RAB3GAP1: variants seen among roughly 807,000 people sequenced by gnomAD.
RAB3GAP1 encodes the protein rab3 GTPase-activating protein catalytic subunit.
RAB3GAP1 carries 86 observed loss-of-function variants against 130.7 expected under a neutral mutation model. That is an observed-to-expected ratio of 0.66 (90% CI 0.55 to 0.79). RAB3GAP1 has a LOEUF of 0.79. Among genes scored for constraint, RAB3GAP1 ranks in the 30% least tolerant of loss-of-function variants. RAB3GAP1 has a pLI of 0.00. For missense variants in RAB3GAP1, 1,029 were observed against 1,169.4 expected (o/e 0.88, Z 1.75); for synonymous variants, 367 against 401.7 (o/e 0.91, Z 1.03).
chr2:135,055,044 C>T (rs1688972868), intron 2 of RAB3GAP1, among the ~76,000 whole-genome samples: 1 of 152,182 alleles, frequency 6.6e-6, no homozygotes, highest in African/African-American at 2.4e-5. Context: ...AAGCACAGTG[C>T]ACATTACGGA....
rs754427870 is a variant in RAB3GAP1 at position 135,165,163 on chromosome 2, G to T, written c.2709+467G>T. On this transcript the variant is annotated intron_variant, in intron 23 of 23. Transcript: ENST00000264158. ...TCTACCTTTGAGGTTTCCTAGAAAA[G>T]AAGAGGAAAACTTCAGATTTTTAGG... 214 of 456,290 alleles carry T rather than the reference G, an allele frequency of 4.7e-4. 3 individuals carry two copies. Among genetic ancestry groups the T allele is most frequent in the South Asian group, 2.9e-3 (188 of 64,506 alleles). The allele number at this position is 456,290 out of a possible 1,614,324, so 28.3% of individuals were successfully genotyped here.
intron 19 of RAB3GAP1, among the ~76,000 whole-genome samples, chr2:135,156,062 A>G (rs907995742): frequency 1.3e-5 from 2 of 152,182 alleles, no homozygotes; most frequent in African/African-American, 2.4e-5. Flanking sequence ...ATCTCTGTGT[A>G]TGTAAATTTG....
intron 17 of RAB3GAP1, among the ~76,000 whole-genome samples, chr2:135,139,101 C>T (rs150829992): frequency 0.012 from 1,857 of 152,110 alleles, 30 homozygotes; most frequent in South Asian, 0.037. Flanking sequence ...AGGTTGCTCC[C>T]CTGTTCTTAT....
rs1033007720 is a variant in RAB3GAP1, at chr2:135,098,603, AT to A, written c.362+4912del. The stretch of plus-strand genomic sequence containing the variant: ...TGCTGGGGATGGTGGTAGCAGATCC[AT>A]TACCCAGCTGGCAAAAGGGGTGGCA... On this transcript the variant is annotated intron_variant, in intron 5 of 23. Coordinates refer to ENST00000264158, the MANE Select transcript of RAB3GAP1 (RefSeq NM_012233.3). 3.2e-4 allele frequency among the ~76,000 whole-genome samples: 48 copies of A among 152,298 alleles called. No individual in the cohort carries two copies. The South Asian group carries it at 3.7e-3, about 12-fold the overall frequency.
intron 9 of RAB3GAP1, among the ~76,000 whole-genome samples, chr2:135,125,164 C>G (rs1219988822): frequency 1.3e-5 from 2 of 152,186 alleles, no homozygotes; most frequent in African/African-American, 4.8e-5. Flanking sequence ...GATATACTTT[C>G]TGTCTCTTTG....
At chr2:135,134,122 A>G in intron 15 of RAB3GAP1, 89 bp downstream of exon 15, 1 of 1,460,640 alleles carries the variant, frequency 6.8e-7, no homozygotes, top group Non-Finnish European at 9.5e-7. Context: ...CCTTCTAGGA[A>G]GTCTGCCCTA....
At chr2:135,140,922 G>A (rs904809395) in intron 17 of RAB3GAP1, among the ~76,000 whole-genome samples, 16 of 152,204 alleles carry the variant, frequency 1.1e-4, no homozygotes, top group African/African-American at 3.6e-4. Context: ...AAGAATGGCA[G>A]TCTCAGACCT....
intron 3 of RAB3GAP1, among the ~76,000 whole-genome samples, chr2:135,088,718 G>GA (rs1427846221): frequency 7.0e-6 from 1 of 142,870 alleles, no homozygotes; most frequent in Non-Finnish European, 1.5e-5. Context: ...AGAAAGAAAA[G>GA]AAAAAAAATT....
chr2:135,135,357 G>A, intron 16 of RAB3GAP1, 38 bp downstream of exon 16: 2 of 1,534,172 alleles, frequency 1.3e-6, no homozygotes, highest in Non-Finnish European at 1.8e-6. Context: ...ATGTGGTCTT[G>A]ATTTAATCAG....
chr2:135,082,147 A>G (rs1689842222), intron 3 of RAB3GAP1, among the ~76,000 whole-genome samples: 1 of 149,020 alleles, frequency 6.7e-6, no homozygotes, highest in African/African-American at 2.6e-5. Flanking sequence ...GTCTCAATGA[A>G]TGAATGAATG....
At chr2:135,056,931 C>T (rs1261051114) in intron 2 of RAB3GAP1, among the ~76,000 whole-genome samples, 1 of 152,292 alleles carries the variant, frequency 6.6e-6, no homozygotes, top group East Asian at 1.9e-4. Context: ...TACAGTTTGA[C>T]TAGAATTAAC....
intron 19 of RAB3GAP1, among the ~76,000 whole-genome samples, chr2:135,155,629 G>A (rs1264836081): frequency 1.3e-5 from 2 of 152,116 alleles, no homozygotes; most frequent in Non-Finnish European, 2.9e-5. Context: ...AACAATATGG[G>A]TGAAAGGGGA....
intron 19 of RAB3GAP1, among the ~76,000 whole-genome samples, chr2:135,160,768 A>G (rs1196261665): frequency 2.0e-5 from 3 of 151,498 alleles, no homozygotes; most frequent in Non-Finnish European, 4.4e-5. Flanking sequence ...TATTTTTATC[A>G]GTGTTAAATT....
intron 24 of RAB3GAP1, chr2:135,176,210 A>G (rs1692997753): frequency 1.3e-5 from 2 of 152,180 alleles, no homozygotes; most frequent in Admixed American, 6.5e-5. Flanking sequence ...ATACTATAAA[A>G]GTATGGTACT....
chr2:135,078,681 TCCC>T (rs1689699292), intron 3 of RAB3GAP1, among the ~76,000 whole-genome samples: 1 of 12,944 alleles, frequency 7.7e-5, no homozygotes, highest in African/African-American at 4.2e-4. Context: ...TCCCCTCCCC[TCCC>T]CTCCCCTGCC....
chr2:135,162,874 ATCTTGCCAAGTGTTCTCC>A, intron 21 of RAB3GAP1, 23 bp downstream of exon 21: 1 of 1,596,392 alleles, frequency 6.3e-7, no homozygotes, highest in Non-Finnish European at 8.6e-7. Flanking sequence ...TAGTGTCAGA[ATCTTGCCAAGTGTTCTCC>A]TCAGTTGGCA....
chr2:135,143,512 C>A (rs1325727244), intron 17 of RAB3GAP1, among the ~76,000 whole-genome samples: 1 of 151,458 alleles, frequency 6.6e-6, no homozygotes, highest in East Asian at 1.9e-4. Context: ...GTTTTATTAG[C>A]AGCATAGGTA....
intron 3 of RAB3GAP1, among the ~76,000 whole-genome samples, chr2:135,077,864 A>G (rs1431888459): frequency 6.6e-6 from 1 of 152,092 alleles, no homozygotes; most frequent in African/African-American, 2.4e-5. Flanking sequence ...AGAAATGTTT[A>G]TTGAAGTCCT....
chr2:135,128,145 C>T (rs1264303558), intron 11 of RAB3GAP1, among the ~76,000 whole-genome samples: 2 of 152,182 alleles, frequency 1.3e-5, no homozygotes, highest in African/African-American at 4.8e-5. Flanking sequence ...TGATTAGTAG[C>T]TGCCATTTGT....
Sources: gnomAD v4.1 joint callset for allele counts (sites outside exome capture counted in the v4.1 genomes callset) on GRCh38, gnomAD v4.1.1 for gene constraint, MANE v1.5 for transcripts, NCBI Gene and HGNC (gene_info 2026-07-23, HGNC 2026-07-21) for gene names.